The following ADGRV1 variants were observed in gnomAD, a reference collection of about 807,000 sequenced individuals.
ADGRV1 encodes the protein adhesion G protein-coupled receptor V1, also known as G-protein coupled receptor 98.
In ADGRV1, 359 loss-of-function variants were observed where a neutral mutation model predicts 596.2. The ratio of observed to expected loss-of-function variants is 0.60; its 90% confidence interval spans 0.55 to 0.66. The LOEUF (loss-of-function observed/expected upper bound fraction) is 0.66. Ranked by LOEUF, ADGRV1 falls within the 30% of genes least tolerant of loss-of-function variation. ADGRV1 has a pLI of 0.00. For synonymous variants in ADGRV1, 2,681 were observed against 2,679.2 expected (o/e 1.00, Z -0.02); for missense variants, 7,274 against 7,575.6 (o/e 0.96, Z 1.48).
chr5:90,985,352 T>C lies in ADGRV1; in HGVS notation c.17982T>C (p.Asn5994=), dbSNP rs1408577305. Residue 5994 remains asparagine (N), a synonymous_variant, in exon 85 of 90, where the codon AAT becomes AAC. Transcript: ENST00000405460. The part of the protein sequence containing the change: ...QFSWMLIQSV[N]FWYVLVMNDE... ...GTTGTTTTCTTCCTTAGTCTGTGAA[T>C]TTCTGGTACGTGCTGGTGATGAATG... is the stretch of plus-strand genomic sequence containing the variant. 1 of 1,607,034 alleles carries C rather than the reference T, an allele frequency of 6.2e-7. No homozygotes were observed. The highest frequency in any genetic ancestry group is 8.5e-7 in the Non-Finnish European group (1 of 1,176,050).
At chr5:90,754,928 C>A in intron 54 of ADGRV1, 55 bp from the exon 55 acceptor site, 1 of 1,253,142 alleles carries the variant, frequency 8.0e-7, no homozygotes, top group Non-Finnish European at 1.2e-6. Context: ...GTCCTTGTAA[C>A]AGCATTGACA....
intron 75 of ADGRV1, among the ~76,000 whole-genome samples, chr5:90,822,729 A>G (rs1581235243): frequency 6.6e-6 from 1 of 152,060 alleles, no homozygotes; most frequent in Non-Finnish European, 1.5e-5. Context: ...CAGTATGGCC[A>G]TTTTCATGAT....
intron 85 of ADGRV1, among the ~76,000 whole-genome samples, chr5:90,990,554 C>T (rs374402045): frequency 2.0e-5 from 3 of 152,150 alleles, no homozygotes; most frequent in East Asian, 1.9e-4. Flanking sequence ...AGACCTTAAG[C>T]GGTAATGCTG....
chr5:90,585,416 A>G (rs1269599677), intron 1 of ADGRV1, among the ~76,000 whole-genome samples: 3 of 152,178 alleles, frequency 2.0e-5, no homozygotes, highest in Non-Finnish European at 1.5e-5. Flanking sequence ...TTTTTGCTTC[A>G]AGACAATGAC....
chr5:90,781,266 AG>A (rs1347897809), intron 64 of ADGRV1, 163 bp from the exon 65 acceptor site: 1 of 670,984 alleles, frequency 1.5e-6, no homozygotes, highest in Non-Finnish European at 2.6e-6. Flanking sequence ...ACATCATTTC[AG>A]GAAAAAGAGA....
chr5:90,692,439 A>G (rs1486459224), intron 31 of ADGRV1, among the ~76,000 whole-genome samples, 166 bp from the exon 32 acceptor site: 3 of 152,170 alleles, frequency 2.0e-5, no homozygotes, highest in Non-Finnish European at 4.4e-5. Flanking sequence ...ATTCTGTTAC[A>G]TGCTGGGTTT....
At chr5:90,612,320 A>G (rs1406053285) in intron 1 of ADGRV1, among the ~76,000 whole-genome samples, 1 of 152,056 alleles carries the variant, frequency 6.6e-6, no homozygotes, top group East Asian at 1.9e-4. Context: ...ATAATTATGC[A>G]ATCTTATGAG....
intron 85 of ADGRV1, among the ~76,000 whole-genome samples, chr5:90,993,350 G>A (rs1443597209): frequency 6.6e-6 from 1 of 151,600 alleles, no homozygotes; most frequent in African/African-American, 2.4e-5. Context: ...GTAGAGACGG[G>A]GTTTCACCAT....
intron 82 of ADGRV1, among the ~76,000 whole-genome samples, chr5:90,861,455 G>C (rs1202824202): frequency 6.6e-6 from 1 of 151,898 alleles, no homozygotes; most frequent in South Asian, 2.1e-4. Context: ...GACTACAGGT[G>C]CGTGCCACCA....
Position 90,646,785 on chromosome 5 carries a change from T to G in ADGRV1, c.3022+694T>G, listed in dbSNP as rs1279779848. Among the ~76,000 whole-genome samples the G allele has an allele frequency of 2.0e-5, 3 of 150,784 alleles. No individual in the cohort carries two copies. In the South Asian group the frequency reaches 6.3e-4, roughly 32 times the overall value. Reference sequence around the variant, plus strand: ...TCTTTCTTTCTTCTTCTTTTTTTTTTTTTTTTTGAGATGGAATATTGCCCT... The same window carrying G: ...TCTTTCTTTCTTCTTCTTTTTTTTTGTTTTTTTGAGATGGAATATTGCCCT... On this transcript the variant is annotated intron_variant, in intron 16 of 89. Transcript: ENST00000405460.
At chr5:90,967,042 G>A (rs1220674377) in intron 84 of ADGRV1, among the ~76,000 whole-genome samples, 1 of 152,094 alleles carries the variant, frequency 6.6e-6, no homozygotes, top group Non-Finnish European at 1.5e-5. Context: ...AAAGTGAGGT[G>A]GTGGTATTAT....
At position 90,791,319 on chromosome 5, in the gene ADGRV1, AGTG is replaced by A. The variant is rs1240251391; in HGVS notation, c.14492_14494del (p.Val4831del). 4 of 1,576,532 alleles carry A rather than the reference AGTG, an allele frequency of 2.5e-6. No homozygotes were observed. The African/African-American group carries it at 5.4e-5, about 21-fold the overall frequency. Reference sequence around the variant, plus strand: ...TGGTCAAAGATGGTGCCACATATAAAGTGGACGTGGTGCCAATAAAGAATCAGG... The same window carrying A: ...TGGTCAAAGATGGTGCCACATATAAAGACGTGGTGCCAATAAAGAATCAGG... On this transcript the variant is annotated inframe_deletion, in exon 70 of 90. Transcript: ENST00000405460.
intron 41 of ADGRV1, among the ~76,000 whole-genome samples, chr5:90,711,623 A>G (rs540174547): frequency 2.0e-5 from 3 of 152,186 alleles, no homozygotes; most frequent in Non-Finnish European, 1.5e-5. Context: ...ATATCATTAG[A>G]TAATCTTCCC....
intron 70 of ADGRV1, among the ~76,000 whole-genome samples, chr5:90,797,287 C>CAAAA (rs780696194): frequency 4.5e-3 from 118 of 26,290 alleles, no homozygotes; most frequent in East Asian, 8.1e-3. Flanking sequence ...AAATGAAAAG[C>CAAAA]AAAAAAAAAA....
Position 90,745,733 on chromosome 5 carries a change from G to A in ADGRV1, c.10912G>A (p.Asp3638Asn), listed in dbSNP as rs910303956. The change falls in exon 52 of 90, where the codon GAT becomes AAT. Residue 3638 changes from aspartate to asparagine, a missense_variant. This residue lies in a region of ADGRV1 where 3,643 missense variants were observed against 3,809.2 expected (regional missense o/e 0.96). Transcript: ENST00000405460. ...PKGGAEIGIN[D>N]SVTITILSND... ...AGGAGGAGCAGAGATTGGCATTAAT[G>A]ATTCTGTAACAATAACCATTCTGTC... The A allele has an allele frequency of 3.1e-6, 5 of 1,612,368 alleles. No homozygotes were observed. The highest frequency in any genetic ancestry group is 4.2e-6 in the Non-Finnish European group (5 of 1,179,002).
At chr5:90,994,967 A>G (rs1562061819) in intron 85 of ADGRV1, among the ~76,000 whole-genome samples, 1 of 152,180 alleles carries the variant, frequency 6.6e-6, no homozygotes, top group East Asian at 1.9e-4. Context: ...TTCACATTAT[A>G]TATACCCTCA....
intron 21 of ADGRV1, among the ~76,000 whole-genome samples, chr5:90,672,248 A>G (rs1161664213): frequency 6.6e-6 from 1 of 152,246 alleles, no homozygotes; most frequent in Non-Finnish European, 1.5e-5. Flanking sequence ...ACCATAGCAT[A>G]TGGCACAGTG....
intron 29 of ADGRV1, among the ~76,000 whole-genome samples, chr5:90,687,967 A>G (rs1270465430): frequency 6.6e-6 from 1 of 152,176 alleles, no homozygotes; most frequent in South Asian, 2.1e-4. Flanking sequence ...GAAAATGGCC[A>G]TACTGCTCAA....
chr5:90,843,065 G>A (rs1437868767), intron 78 of ADGRV1, among the ~76,000 whole-genome samples: 2 of 152,052 alleles, frequency 1.3e-5, no homozygotes, highest in Non-Finnish European at 2.9e-5. Context: ...TCAATATATG[G>A]ACACAACAGT....
Sources: allele counts gnomAD v4.1 joint callset (sites outside exome capture counted in the v4.1 genomes callset), GRCh38; gene constraint gnomAD v4.1.1; regional missense constraint gnomAD v4.1.1; transcripts MANE v1.5; gene names NCBI Gene and HGNC (gene_info 2026-07-23, HGNC 2026-07-21).